Variants in KYNU observed in about 807,000 individuals in gnomAD.
KYNU encodes the protein kynureninase.
Under a neutral mutation model 59.2 loss-of-function variants are expected in KYNU, and 54 were observed. That is an observed-to-expected ratio of 0.91 (90% CI 0.73 to 1.14). KYNU has a LOEUF of 1.14. KYNU is among the 50% of genes most tolerant of loss of function. The probability of loss-of-function intolerance (pLI) is 0.00; values close to 1 mark genes in which losing one functional copy is unlikely to be tolerated. For synonymous variants in KYNU, 177 were observed against 192.0 expected (o/e 0.92, Z 0.65); for missense variants, 567 against 554.4 (o/e 1.02, Z -0.23).
At chr2:142,926,560 A>G (rs1264276315) in intron 3 of KYNU, among the ~76,000 whole-genome samples, 3 of 152,202 alleles carry the variant, frequency 2.0e-5, no homozygotes, top group Non-Finnish European at 4.4e-5. Context: ...GTGATAGGGA[A>G]GAAGGTGCAT....
At chr2:143,006,432 G>C (rs1685899032) in intron 10 of KYNU, among the ~76,000 whole-genome samples, 3 of 150,648 alleles carry the variant, frequency 2.0e-5, no homozygotes, top group African/African-American at 4.9e-5. Context: ...CTGATTGCTA[G>C]CACAGCAGTC....
rs892257997 is a variant in KYNU at position 143,029,753 on chromosome 2, G to T, written c.955+74G>T. The stretch of plus-strand genomic sequence containing the variant: ...CAATGTTCATCTGTCTTTGTATTAT[G>T]TGTAATGTATATGCCCCAGGGAGAG... On this transcript the variant is annotated intron_variant, in intron 11 of 13. Transcript: ENST00000264170. The T allele has an allele frequency of 1.9e-5, 17 of 908,886 alleles. No homozygotes were observed. The East Asian group carries it at 3.9e-4, about 21-fold the overall frequency. 56.3% of individuals were successfully genotyped at this position (908,886 alleles called of 1,614,324 possible).
chr2:142,956,141 TA>T (rs67873022), intron 5 of KYNU, 61 bp from the exon 6 acceptor site: 19,073 of 922,346 alleles, frequency 0.021, 1,204 homozygotes, highest in African/African-American at 0.19. Flanking sequence ...TAGTGTGACA[TA>T]AAATGAACAA....
In KYNU at chr2:143,019,768, A is replaced by C. The variant is rs567351272; in HGVS notation, c.903-9859A>C. Among the ~76,000 whole-genome samples the C allele has an allele frequency of 3.4e-4, 51 of 152,236 alleles. No homozygotes were observed. The South Asian group carries it at 9.5e-3, about 28-fold the overall frequency. On this transcript the variant is annotated intron_variant, in intron 10 of 13. Transcript: ENST00000264170. The stretch of plus-strand genomic sequence containing the variant: ...CTTTAAGTGTTTGGTAGAATTTATT[A>C]GTGAATCCATCACGTCTTTGGATTT...
At chr2:143,023,606 C>T (rs1206406168) in intron 10 of KYNU, among the ~76,000 whole-genome samples, 2 of 151,698 alleles carry the variant, frequency 1.3e-5, no homozygotes, top group South Asian at 4.1e-4. Flanking sequence ...TTATGAACAG[C>T]AATTCATAAC....
intron 4 of KYNU, among the ~76,000 whole-genome samples, chr2:142,946,305 A>C (rs1029092278): frequency 1.3e-5 from 2 of 151,912 alleles, no homozygotes; most frequent in African/African-American, 4.8e-5. Context: ...GCTGGTCTCA[A>C]ACTCCTGAGC....
chr2:142,968,403 A>C (rs1018648255), intron 8 of KYNU, among the ~76,000 whole-genome samples: 3 of 152,200 alleles, frequency 2.0e-5, no homozygotes, highest in Non-Finnish European at 4.4e-5. Flanking sequence ...GGACAAGTCT[A>C]TAAAGCAGAC....
intron 10 of KYNU, among the ~76,000 whole-genome samples, chr2:143,014,731 T>C (rs1030855904): frequency 6.6e-6 from 1 of 152,232 alleles, no homozygotes; most frequent in African/African-American, 2.4e-5. Context: ...AAATTCTTAA[T>C]ACATTTAAAG....
At chr2:143,000,356 C>T (rs352892) in intron 10 of KYNU, among the ~76,000 whole-genome samples, 2 of 151,940 alleles carry the variant, frequency 1.3e-5, no homozygotes, top group African/African-American at 2.4e-5. Context: ...CTCTGACTCC[C>T]TTTACTACTC....
At chr2:142,998,631 G>A (rs1303262196) in intron 10 of KYNU, among the ~76,000 whole-genome samples, 1 of 152,106 alleles carries the variant, frequency 6.6e-6, no homozygotes, top group Non-Finnish European at 1.5e-5. Flanking sequence ...TTGAAGAAAG[G>A]CAACTCCTTA....
chr2:142,891,777 T>G (rs1681720602), intron 2 of KYNU, among the ~76,000 whole-genome samples: 1 of 152,230 alleles, frequency 6.6e-6, no homozygotes, highest in Admixed American at 6.5e-5. Context: ...GATAAAGATA[T>G]GTTAAATAAA....
chr2:143,039,869 T>C (rs371592811), intron 12 of KYNU, among the ~76,000 whole-genome samples: 2 of 152,154 alleles, frequency 1.3e-5, no homozygotes, highest in East Asian at 3.9e-4. Flanking sequence ...GTTTGAGGAG[T>C]TCCTTTAGAC....
At chr2:142,989,530 C>G (rs376147661) in intron 10 of KYNU, 1 of 973,252 alleles carries the variant, frequency 1.0e-6, no homozygotes, top group Non-Finnish European at 1.2e-6. Flanking sequence ...TAAATAATAT[C>G]GAAATAACAT....
Position 142,939,458 on chromosome 2 carries a change from C to T in KYNU, c.373+11717C>T, listed in dbSNP as rs556369339. Among the ~76,000 whole-genome samples the T allele has an allele frequency of 5.9e-5, 9 of 151,398 alleles. No individual in the cohort carries two copies. In the East Asian group the frequency reaches 7.8e-4, roughly 13 times the overall value. On this transcript the variant is annotated intron_variant, in intron 4 of 13. Coordinates refer to ENST00000264170, the MANE Select transcript of KYNU (RefSeq NM_003937.3). ...CTCTACTAAAAATACAAAAATTAGCCGGGCATTGTGGCACGTGTCTGAAAT... is the reference window on the plus strand; with the variant it reads ...CTCTACTAAAAATACAAAAATTAGCTGGGCATTGTGGCACGTGTCTGAAAT...
At chr2:142,903,461 GAA>G (rs1246799528) in intron 2 of KYNU, among the ~76,000 whole-genome samples, 1 of 151,980 alleles carries the variant, frequency 6.6e-6, no homozygotes. Context: ...AAAAGCATGT[GAA>G]AAGAGTAAAG....
chr2:142,987,632 C>G lies in KYNU; in HGVS notation c.902+1611C>G, dbSNP rs531329972. Among the ~76,000 whole-genome samples the G allele has an allele frequency of 1.1e-4, 16 of 152,038 alleles. No homozygotes were observed. In the East Asian group the frequency reaches 3.1e-3, roughly 30 times the overall value. ...GAATCTTCTATGATTGTTCAGTATT[C>G]TGGTCTCTGAGCTGAGGTAGTACCA... On this transcript the variant is annotated intron_variant, in intron 10 of 13. Coordinates refer to ENST00000264170, the MANE Select transcript of KYNU (RefSeq NM_003937.3).
intron 2 of KYNU, among the ~76,000 whole-genome samples, chr2:142,899,100 C>G (rs1681982422): frequency 6.6e-6 from 1 of 152,120 alleles, no homozygotes; most frequent in African/African-American, 2.4e-5. Context: ...CAGCGGCAAA[C>G]AGCGGTGGTG....
chr2:142,877,857 C>T (rs965323763), intron 1 of KYNU, 121 bp downstream of exon 1: 2 of 152,072 alleles, frequency 1.3e-5, no homozygotes, highest in African/African-American at 4.8e-5. Flanking sequence ...TTCTGCTACT[C>T]TCTTCTTTTT....
At chr2:142,985,299 T>C (rs1685167513) in intron 9 of KYNU, 117 bp downstream of exon 9, 2 of 714,838 alleles carry the variant, frequency 2.8e-6, no homozygotes, top group Non-Finnish European at 5.2e-6. Flanking sequence ...ATTTCTTTTA[T>C]TGTATTTTCT....
Sources: gnomAD v4.1 joint callset for allele counts (sites outside exome capture counted in the v4.1 genomes callset) on GRCh38, gnomAD v4.1.1 for gene constraint, MANE v1.5 for transcripts, NCBI Gene and HGNC (gene_info 2026-07-23, HGNC 2026-07-21) for gene names.